Variants in SLC4A10 observed in about 807,000 individuals in gnomAD.
SLC4A10 encodes sodium-driven chloride bicarbonate exchanger.
Under a neutral mutation model 137.7 loss-of-function variants are expected in SLC4A10, and 42 were observed. The observed-to-expected ratio is 0.30, with a 90% CI of 0.24 to 0.39. The LOEUF is 0.39. Ranked by LOEUF, SLC4A10 falls within the 10% of genes least tolerant of loss-of-function variation. The probability of loss-of-function intolerance (pLI) is 1.00; values close to 1 mark genes in which losing one functional copy is unlikely to be tolerated. For missense variants in SLC4A10, 925 were observed against 1,355.0 expected (o/e 0.68, Z 4.98); for synonymous variants, 474 against 464.1 (o/e 1.02, Z -0.27).
At chr2:161,850,037 G>A (rs150064906) in intron 4 of SLC4A10, among the ~76,000 whole-genome samples, 1 of 151,888 alleles carries the variant, frequency 6.6e-6, no homozygotes, top group Non-Finnish European at 1.5e-5. Flanking sequence ...TGGTTGATAG[G>A]TTTTTTTTAT....
intron 1 of SLC4A10, among the ~76,000 whole-genome samples, chr2:161,644,742 T>A (rs1298162270): frequency 6.6e-6 from 1 of 152,206 alleles, no homozygotes; most frequent in Non-Finnish European, 1.5e-5. Flanking sequence ...GTGTTTATGA[T>A]CTTACCAATT....
At chr2:161,678,449 C>G (rs755112299) in intron 1 of SLC4A10, among the ~76,000 whole-genome samples, 1 of 152,048 alleles carries the variant, frequency 6.6e-6, no homozygotes, top group Non-Finnish European at 1.5e-5. Flanking sequence ...AAGTGAGAGA[C>G]GACACGGATA....
At chr2:161,686,947 A>G (rs1156485421) in intron 1 of SLC4A10, among the ~76,000 whole-genome samples, 1 of 146,576 alleles carries the variant, frequency 6.8e-6, no homozygotes, top group African/African-American at 2.6e-5. Flanking sequence ...AAGTGGTGTG[A>G]TCTCGGCTCA....
At chr2:161,696,321 A>C (rs1394622812) in intron 1 of SLC4A10, among the ~76,000 whole-genome samples, 1 of 149,540 alleles carries the variant, frequency 6.7e-6, no homozygotes, top group African/African-American at 2.5e-5. Context: ...TATTATTATT[A>C]TACTTTAAGT....
At chr2:161,970,512 A>G (rs4432469) in intron 23 of SLC4A10, among the ~76,000 whole-genome samples, 127,415 of 152,242 alleles carry the variant, frequency 0.84, 53,860 homozygotes, top group East Asian at 0.99. Flanking sequence ...AAATAAAAGG[A>G]TTGAGCTTGA....
At chr2:161,723,849 T>C (rs1423661321) in intron 1 of SLC4A10, among the ~76,000 whole-genome samples, 1 of 152,232 alleles carries the variant, frequency 6.6e-6, no homozygotes, top group Non-Finnish European at 1.5e-5. Context: ...TACATACTGA[T>C]GACTTCCATA....
intron 26 of SLC4A10, among the ~76,000 whole-genome samples, chr2:161,980,099 A>G (rs1040399763): frequency 2.0e-5 from 3 of 152,212 alleles, no homozygotes; most frequent in African/African-American, 7.2e-5. Flanking sequence ...ACCACATTGC[A>G]TCAGAATAGG....
intron 4 of SLC4A10, among the ~76,000 whole-genome samples, chr2:161,851,762 A>T (rs2059846272): frequency 6.6e-6 from 1 of 152,214 alleles, no homozygotes; most frequent in Non-Finnish European, 1.5e-5. Flanking sequence ...AAACAATATT[A>T]TTGTATGGGT....
At chr2:161,879,432 G>A (rs2061627067) in intron 9 of SLC4A10, 144 bp downstream of exon 9, 2 of 837,228 alleles carry the variant, frequency 2.4e-6, no homozygotes, top group Middle Eastern at 3.2e-4. Context: ...TTTTGTTTGT[G>A]GAGGAGGGGA....
chr2:161,665,052 T>C (rs1336760564), intron 1 of SLC4A10, among the ~76,000 whole-genome samples: 1 of 151,850 alleles, frequency 6.6e-6, no homozygotes, highest in Non-Finnish European at 1.5e-5. Context: ...GATTGAAGAA[T>C]GTATTTCTGT....
chr2:161,757,892 CTT>C lies in SLC4A10; in HGVS notation c.49-13080_49-13079del, dbSNP rs1327466958. Among the ~76,000 whole-genome samples the C allele has an allele frequency of 3.9e-5, 6 of 152,040 alleles. No homozygotes were observed. The South Asian group carries it at 6.2e-4, about 16-fold the overall frequency. On this transcript the variant is annotated intron_variant, in intron 1 of 26. Transcript: ENST00000446997. ...TTCCATCATCTCAATTACATACAAA[CTT>C]AACCCAAAGAATAAATAATTTTTGG...
At chr2:161,900,224 G>A (rs1009711907) in intron 11 of SLC4A10, among the ~76,000 whole-genome samples, 1 of 152,022 alleles carries the variant, frequency 6.6e-6, no homozygotes, top group Non-Finnish European at 1.5e-5. Flanking sequence ...ATACTTACCT[G>A]AATCTCTACT....
chr2:161,838,801 A>ATT, intron 3 of SLC4A10, among the ~76,000 whole-genome samples: 1 of 152,342 alleles, frequency 6.6e-6, no homozygotes, highest in African/African-American at 2.4e-5. Context: ...CTACAAAACA[A>ATT]CTGATAATAC....
intron 1 of SLC4A10, among the ~76,000 whole-genome samples, chr2:161,630,388 T>C (rs1183594025): frequency 6.8e-6 from 1 of 147,332 alleles, no homozygotes; most frequent in Admixed American, 7.0e-5. Flanking sequence ...CTGACATAGA[T>C]TGTTTTGGAA....
intron 1 of SLC4A10, among the ~76,000 whole-genome samples, chr2:161,652,750 T>C (rs1321380789): frequency 6.6e-6 from 1 of 150,650 alleles, no homozygotes; most frequent in Non-Finnish European, 1.5e-5. Context: ...CAACTTTCCA[T>C]TTCCCCTTTA....
At chr2:161,944,514 C>G (rs1489752927) in intron 16 of SLC4A10, among the ~76,000 whole-genome samples, 2 of 151,680 alleles carry the variant, frequency 1.3e-5, no homozygotes, top group African/African-American at 4.8e-5. Flanking sequence ...GTTAGATACC[C>G]TGAGTTTTGA....
chr2:161,949,325 A>G (rs1694386836), intron 18 of SLC4A10, 64 bp downstream of exon 18: 3 of 1,056,856 alleles, frequency 2.8e-6, no homozygotes, highest in South Asian at 2.7e-5. Flanking sequence ...GATGATACCT[A>G]TAACTCTAGT....
chr2:161,629,603 T>A (rs2033138414), intron 1 of SLC4A10, among the ~76,000 whole-genome samples: 1 of 151,892 alleles, frequency 6.6e-6, no homozygotes, highest in African/African-American at 2.4e-5. Flanking sequence ...GTGTTGGACA[T>A]CCTATAGTTT....
chr2:161,852,172 C>T (rs1265929693), intron 4 of SLC4A10, among the ~76,000 whole-genome samples: 1 of 152,110 alleles, frequency 6.6e-6, no homozygotes, highest in Admixed American at 6.5e-5. Flanking sequence ...GTTCTAGAAA[C>T]CTTAATTGAG....
Sources: allele counts gnomAD v4.1 joint callset (sites outside exome capture counted in the v4.1 genomes callset), GRCh38; gene constraint gnomAD v4.1.1; transcripts MANE v1.5; gene names NCBI Gene and HGNC (gene_info 2026-07-23, HGNC 2026-07-21).